RASAL1: variants seen among roughly 807,000 people sequenced by gnomAD.
RASAL1 encodes the protein rasGAP-activating-like protein 1.
A neutral mutation model predicts 96.6 loss-of-function variants in RASAL1; 72 were observed. The observed-to-expected ratio is 0.75, with a 90% CI of 0.62 to 0.91. The LOEUF is 0.91. Among genes scored for constraint, RASAL1 ranks in the 40% least tolerant of loss-of-function variants. RASAL1 has a pLI of 0.00. For missense variants in RASAL1, 1,016 were observed against 1,072.5 expected, an observed-to-expected ratio of 0.95 and a Z score of 0.74; for synonymous variants, 405 against 430.4, an observed-to-expected ratio of 0.94 and a Z score of 0.73.
chr12:113,126,559 G>A (rs1314343548), intron 4 of RASAL1, among the ~76,000 whole-genome samples: 2 of 152,152 alleles, frequency 1.3e-5, no homozygotes, highest in African/African-American at 2.4e-5. Flanking sequence ...GTGCACGCCT[G>A]TAGTCCCAGC....
intron 14 of RASAL1, chr12:113,107,638 C>A: frequency 2.5e-6 from 1 of 404,614 alleles, no homozygotes; most frequent in Non-Finnish European, 4.8e-6. Flanking sequence ...AAAAATAAAT[C>A]AATAAGAAGA....
chr12:113,107,366 T>C, intron 14 of RASAL1, 125 bp from the exon 15 acceptor site: 8 of 1,164,396 alleles, frequency 6.9e-6, no homozygotes, highest in Non-Finnish European at 9.5e-6. Flanking sequence ...CTCATGCCTG[T>C]AATCCCAGCA....
intron 18 of RASAL1, 63 bp downstream of exon 18, chr12:113,103,883 G>A: frequency 6.5e-7 from 1 of 1,539,170 alleles, no homozygotes; most frequent in Non-Finnish European, 8.7e-7. Context: ...CCAGGCGGAA[G>A]TGGGACACCC....
chr12:113,113,109 G>A (rs1950934090), intron 12 of RASAL1, among the ~76,000 whole-genome samples: 1 of 152,114 alleles, frequency 6.6e-6, no homozygotes. Flanking sequence ...GTGGATGCTA[G>A]AACAGCACTT....
rs200507195 is a variant in RASAL1 at position 113,108,209 on chromosome 12, A to G, written c.1388T>C (p.Leu463Pro). Residue 463 changes from leucine to proline, a missense_variant, in exon 14 of 21, where the codon CTG becomes CCG. By Grantham distance (98) the Leu-to-Pro change is moderately conservative. Transcript: ENST00000548055. ...CAAGAAGAGAAATCCACTGATGGCC[A>G]GGTACTTCACATCCTGCTGGGAGGA... ...PQAEHQDVKY[L>P]AISGFLFLRF... 5 of 1,612,334 alleles carry G rather than the reference A, an allele frequency of 3.1e-6. No individual in the cohort carries two copies. In the East Asian group the frequency reaches 1.1e-4, roughly 36 times the overall value.
intron 8 of RASAL1, 87 bp downstream of exon 8, chr12:113,116,986 G>A: frequency 9.5e-7 from 1 of 1,054,452 alleles, no homozygotes; most frequent in Non-Finnish European, 1.4e-6. Context: ...GTGATAATGT[G>A]TGGGCTGGCA....
Position 113,104,152 on chromosome 12 carries a change from G to T in RASAL1, c.1968+9C>A. 1.3e-6 allele frequency: 2 copies of T among 1,598,584 alleles called. No homozygotes were observed. The highest frequency in any genetic ancestry group is 1.3e-5 in the African/African-American group (1 of 74,818). The stretch of plus-strand genomic sequence containing the variant: ...ACGCCCCCCGCTCCCCATCGCGGTG[G>T]GGTCTCACCTTGCACTGGAGGTAGG... On this transcript the variant is annotated intron_variant, in intron 17 of 20. Transcript: ENST00000548055.
At position 113,116,005 on chromosome 12, in the gene RASAL1, G is replaced by C. The variant is rs140623604; in HGVS notation, c.778C>G (p.Arg260Gly). The change falls in exon 9 of 21, where the codon CGC becomes GGC. Residue 260 changes from arginine to glycine, a missense_variant. Coordinates refer to ENST00000548055, the MANE Select transcript of RASAL1 (RefSeq NM_001301202.2). ...LRVKVRLIED[R>G]VLPSQCYQPL... ...TGGTAGCACTGGGAGGGCAGGACGCGGTCCTCAATCAGGCGTACCTTCACT... is the reference window on the plus strand; with the variant it reads ...TGGTAGCACTGGGAGGGCAGGACGCCGTCCTCAATCAGGCGTACCTTCACT... 6.2e-7 allele frequency: 1 copy of C among 1,609,848 alleles called. No homozygotes were observed. Among genetic ancestry groups the C allele is most frequent in the African/African-American group, 1.3e-5 (1 of 74,814 alleles).
intron 1 of RASAL1, among the ~76,000 whole-genome samples, chr12:113,132,937 G>C (rs955435293): frequency 1.3e-5 from 2 of 152,070 alleles, no homozygotes; most frequent in African/African-American, 4.8e-5. Flanking sequence ...TCCCCATCTG[G>C]GCTTCACCTT....
intron 8 of RASAL1, among the ~76,000 whole-genome samples, chr12:113,116,385 A>C (rs1314010984): frequency 6.6e-6 from 1 of 152,098 alleles, no homozygotes; most frequent in Non-Finnish European, 1.5e-5. Flanking sequence ...AAGGAAAAGA[A>C]AATGAAAGAT....
At chr12:113,124,757 T>C (rs1023036188) in intron 4 of RASAL1, among the ~76,000 whole-genome samples, 8 of 152,206 alleles carry the variant, frequency 5.3e-5, no homozygotes, top group Non-Finnish European at 8.8e-5. Context: ...TGGCATATAG[T>C]AGGCCCTCAT....
chr12:113,107,261 G>GA lies in RASAL1; in HGVS notation c.1513-21dup. On this transcript the variant is annotated intron_variant, in intron 14 of 20. Coordinates refer to ENST00000548055, the MANE Select transcript of RASAL1 (RefSeq NM_001301202.2). Reference sequence around the variant, plus strand: ...CACAGCCTGGAGCAAAGAAGCGAGGGATGCCGGGGCCAAGGTCACAGCAGA... The same window carrying GA: ...CACAGCCTGGAGCAAAGAAGCGAGGGAATGCCGGGGCCAAGGTCACAGCAGA... The GA allele has an allele frequency of 1.3e-6, 2 of 1,573,380 alleles. No homozygotes were observed. The highest frequency in any genetic ancestry group is 1.7e-6 in the Non-Finnish European group (2 of 1,158,638).
intron 11 of RASAL1, 30 bp from the exon 12 acceptor site, chr12:113,114,942 G>A (rs774566679): frequency 3.2e-6 from 5 of 1,564,024 alleles, no homozygotes; most frequent in Non-Finnish European, 4.4e-6. Context: ...CACGGGGTGG[G>A]GCTGAGGGCG....
At chr12:113,136,448 T>C (rs191487854), upstream of RASAL1, among the ~76,000 whole-genome samples, 1,850 of 152,320 alleles carry the variant, frequency 0.012, 25 homozygotes, top group African/African-American at 0.042. Flanking sequence ...CACTACACAC[T>C]ACTCCACTGT....
intron 12 of RASAL1, among the ~76,000 whole-genome samples, chr12:113,113,373 A>C (rs1432436475): frequency 1.3e-5 from 2 of 152,194 alleles, no homozygotes; most frequent in Non-Finnish European, 2.9e-5. Flanking sequence ...GGCACAGCTG[A>C]GAATAGAACC....
In RASAL1 at chr12:113,104,145, C is replaced by T; in HGVS notation, c.1968+16G>A. On this transcript the variant is annotated intron_variant, in intron 17 of 20. Coordinates refer to ENST00000548055, the MANE Select transcript of RASAL1 (RefSeq NM_001301202.2). ...CAGAGGGACGCCCCCCGCTCCCCAT[C>T]GCGGTGGGGTCTCACCTTGCACTGG... 6.3e-7 allele frequency: 1 copy of T among 1,596,534 alleles called. No homozygotes were observed. The highest frequency in any genetic ancestry group is 1.1e-5 in the South Asian group (1 of 90,156).
chr12:113,100,139 G>A (rs763409548), intron 20 of RASAL1, 71 bp from the exon 21 acceptor site: 4 of 1,457,058 alleles, frequency 2.7e-6, no homozygotes, highest in Admixed American at 2.5e-5. Context: ...GGACCCAATG[G>A]TTTCTCATGC....
rs77160473 is a variant in RASAL1, at chr12:113,105,418, T to C, written c.1830+296A>G. Reference sequence around the variant, plus strand: ...ATGTGTCTAGATCCTGGTGGGAGCATTGGAGAGAGGCTCAGCATCATCCCT... The same window carrying C: ...ATGTGTCTAGATCCTGGTGGGAGCACTGGAGAGAGGCTCAGCATCATCCCT... On this transcript the variant is annotated intron_variant, in intron 16 of 20. Coordinates refer to ENST00000548055, the MANE Select transcript of RASAL1 (RefSeq NM_001301202.2). 8.3e-3 allele frequency among the ~76,000 whole-genome samples: 1,268 copies of C among 152,336 alleles called. 12 individuals are homozygous for C. The highest frequency in any genetic ancestry group is 0.033 in the South Asian group (159 of 4,824).
At position 113,100,124 on chromosome 12, in the gene RASAL1, A is replaced by C. The variant is rs1555236184; in HGVS notation, c.2279-56T>G. 41 of 1,496,532 alleles carry C rather than the reference A, an allele frequency of 2.7e-5. No homozygotes were observed. In the South Asian group the frequency reaches 4.9e-4, roughly 18 times the overall value. The allele number at this position is 1,496,532 out of a possible 1,614,324, so 92.7% of individuals were successfully genotyped here. A position where few individuals can be genotyped will look rare whatever the true frequency, so the allele number is the denominator to read the frequency against. The stretch of plus-strand genomic sequence containing the variant: ...CAGCCAGTCCAGGGCAGGCTGCTGT[A>C]ACCCGGACCCAATGGTTTCTCATGC... On this transcript the variant is annotated intron_variant, in intron 20 of 20. Coordinates refer to ENST00000548055, the MANE Select transcript of RASAL1 (RefSeq NM_001301202.2).
Sources: gnomAD v4.1 joint callset for allele counts (sites outside exome capture counted in the v4.1 genomes callset) on GRCh38, gnomAD v4.1.1 for gene constraint, MANE v1.5 for transcripts, NCBI Gene and HGNC (gene_info 2026-07-23, HGNC 2026-07-21) for gene names.